FKBP15: variants seen among roughly 807,000 people sequenced by gnomAD.
FKBP15 encodes the protein FK506-binding protein 15.
FKBP15 carries 106 observed loss-of-function variants against 158.1 expected under a neutral mutation model. The ratio of observed to expected loss-of-function variants is 0.67; its 90% CI spans 0.57 to 0.79. FKBP15 has a LOEUF of 0.79. FKBP15 is among the 30% of genes least tolerant of loss of function. The probability of loss-of-function intolerance (pLI) is 0.00; values close to 1 mark genes in which losing one functional copy is unlikely to be tolerated. For synonymous variants in FKBP15, 547 were observed against 548.6 expected (o/e 1.00, Z 0.04); for missense variants, 1,287 against 1,479.1 (o/e 0.87, Z 2.13).
In FKBP15 at chr9:113,221,273, G is replaced by C. The variant is rs1831253739; in HGVS notation, c.-30C>G. 2 of 1,588,090 alleles carry C rather than the reference G, an allele frequency of 1.3e-6. No individual in the cohort carries two copies. Reference sequence around the variant, plus strand: ...TTGGCTTTCACCGGGTTGCGGGGAGGAAGCTGGGTATTCCCAGAGTCCCAG... The same window carrying C: ...TTGGCTTTCACCGGGTTGCGGGGAGCAAGCTGGGTATTCCCAGAGTCCCAG... On this transcript the variant is annotated 5_prime_UTR_variant, in exon 1 of 28. Coordinates refer to ENST00000238256, the MANE Select transcript of FKBP15 (RefSeq NM_015258.2).
intron 23 of FKBP15, among the ~76,000 whole-genome samples, 166 bp downstream of exon 23, chr9:113,173,287 A>G (rs1564152809): frequency 6.6e-6 from 1 of 152,176 alleles, no homozygotes; most frequent in Non-Finnish European, 1.5e-5. Flanking sequence ...CTGACCTATC[A>G]CCCCACATAA....
chr9:113,183,200 A>T (rs1830430706), intron 18 of FKBP15, among the ~76,000 whole-genome samples: 1 of 152,220 alleles, frequency 6.6e-6, no homozygotes, highest in East Asian at 1.9e-4. Flanking sequence ...CAGCTCTGTC[A>T]TGTGGGAGAC....
At chr9:113,219,719 A>G (rs1348180194) in intron 1 of FKBP15, among the ~76,000 whole-genome samples, 1 of 152,230 alleles carries the variant, frequency 6.6e-6, no homozygotes, top group Non-Finnish European at 1.5e-5. Flanking sequence ...CATAATTTTC[A>G]GTCAGCTTGG....
chr9:113,214,527 C>T (rs916584960), intron 1 of FKBP15, among the ~76,000 whole-genome samples: 1 of 152,176 alleles, frequency 6.6e-6, no homozygotes, highest in Non-Finnish European at 1.5e-5. Flanking sequence ...GATGTGCTGT[C>T]ATCCAGGCTT....
At position 113,163,464 on chromosome 9, in the gene FKBP15, C is replaced by CT. The variant is rs1404874891; in HGVS notation, c.*2613dup. ...CTCGTCTATGGATCATGTTGACAAA[C>CT]TAAGTTTTTTTTATTTTTCCCATTG... On this transcript the variant is annotated 3_prime_UTR_variant, in exon 28 of 28. Coordinates refer to ENST00000238256, the MANE Select transcript of FKBP15 (RefSeq NM_015258.2). 1 of 152,612 alleles carries CT rather than the reference C, an allele frequency of 6.6e-6. No homozygotes were observed. The highest frequency in any genetic ancestry group is 1.5e-5 in the Non-Finnish European group (1 of 68,048). 9.5% of individuals were successfully genotyped at this position (152,612 alleles called of 1,614,324 possible). A position where few individuals can be genotyped will look rare whatever the true frequency, so the allele number is the denominator to read the frequency against.
chr9:113,218,072 T>C (rs1034349396), intron 1 of FKBP15, among the ~76,000 whole-genome samples: 2 of 152,124 alleles, frequency 1.3e-5, no homozygotes, highest in Non-Finnish European at 2.9e-5. Context: ...CAGTTTTATA[T>C]TTTCTTTCTC....
At chr9:113,187,744 G>T in intron 14 of FKBP15, 49 bp downstream of exon 14, 2 of 1,418,062 alleles carry the variant, frequency 1.4e-6, no homozygotes, top group South Asian at 1.2e-5. Context: ...AGACTGACTA[G>T]AACCACAGCA....
intron 1 of FKBP15, among the ~76,000 whole-genome samples, chr9:113,213,051 A>G (rs536403467): frequency 2.0e-5 from 3 of 152,322 alleles, no homozygotes; most frequent in Admixed American, 6.5e-5. Flanking sequence ...GTCTCAGCAT[A>G]TAGTGGTACT....
intron 1 of FKBP15, among the ~76,000 whole-genome samples, chr9:113,219,450 C>T (rs1831206603): frequency 6.6e-6 from 1 of 152,210 alleles, no homozygotes; most frequent in African/African-American, 2.4e-5. Context: ...TGTGGTGAAA[C>T]TTTCTGTATT....
chr9:113,184,872 A>G lies in FKBP15; in HGVS notation c.1499-68T>C. The stretch of plus-strand genomic sequence containing the variant: ...AGAGGAAACTGTATGAAGAAAAGCT[A>G]GTAGCTCTTCCAGTAAAGAAAGAAA... On this transcript the variant is annotated intron_variant, in intron 15 of 27. Coordinates refer to ENST00000238256, the MANE Select transcript of FKBP15 (RefSeq NM_015258.2). The surrounding 1 kb of genome is among the most constrained non-coding windows in gnomAD (Gnocchi z 4.5). The G allele has an allele frequency of 1.7e-6, 2 of 1,210,014 alleles. No individual in the cohort carries two copies. Among genetic ancestry groups the G allele is most frequent in the Non-Finnish European group, 2.4e-6 (2 of 849,572 alleles). The allele number at this position is 1,210,014 out of a possible 1,614,324, so 75.0% of individuals were successfully genotyped here.
rs749292906 is a variant in FKBP15 at position 113,186,121 on chromosome 9, C to T, written c.1498+128G>A. ...AATGTGTGGAATACATATTATATCT[C>T]AACAAAGCTGTTAAAAAAGAGAAGA... is the stretch of plus-strand genomic sequence containing the variant. On this transcript the variant is annotated intron_variant, in intron 15 of 27. Transcript: ENST00000238256. 2.3e-4 allele frequency: 154 copies of T among 665,814 alleles called. 1 individual carries two copies. Among genetic ancestry groups the T allele is most frequent in the Admixed American group, 3.6e-4 (13 of 35,924 alleles). The allele number at this position is 665,814 out of a possible 1,614,324, so 41.2% of individuals were successfully genotyped here. A position where few individuals can be genotyped will look rare whatever the true frequency, so the allele number is the denominator to read the frequency against.
chr9:113,185,374 G>A (rs928348356), intron 15 of FKBP15, among the ~76,000 whole-genome samples: 6 of 151,020 alleles, frequency 4.0e-5, no homozygotes, highest in African/African-American at 1.5e-4. Flanking sequence ...AATAGTCAGG[G>A]AAGGCTTCAC....
In FKBP15 at chr9:113,203,769, C is replaced by T. The variant is rs546176273; in HGVS notation, c.325-734G>A. ...CTTGAACTCCTGACCTCAGGTGATC[C>T]GCCCACCTTGGCCTCCCAAAGTGCT... On this transcript the variant is annotated intron_variant, in intron 4 of 27. Transcript: ENST00000238256. 5.3e-5 allele frequency among the ~76,000 whole-genome samples: 8 copies of T among 151,966 alleles called. No individual in the cohort carries two copies. In the East Asian group the frequency reaches 9.7e-4, roughly 18 times the overall value.
At chr9:113,210,690 A>G (rs1277587938) in intron 2 of FKBP15, among the ~76,000 whole-genome samples, 1 of 152,148 alleles carries the variant, frequency 6.6e-6, no homozygotes, top group Non-Finnish European at 1.5e-5. Flanking sequence ...GGAGATTAAC[A>G]TCTGAGTCAG....
chr9:113,188,370 C>T lies in FKBP15; in HGVS notation c.1276+19G>A, dbSNP rs945201417. The stretch of plus-strand genomic sequence containing the variant: ...GCTGACCCAGTTCAAGGCCACAGAG[C>T]CTCAGAGAGGTTCCTTACCCTGTGA... On this transcript the variant is annotated intron_variant, in intron 13 of 27. Transcript: ENST00000238256. The T allele has an allele frequency of 9.5e-6, 15 of 1,584,764 alleles. No homozygotes were observed. The Admixed American group carries it at 2.2e-4, about 23-fold the overall frequency.
chr9:113,190,253 C>T (rs1215453972), intron 12 of FKBP15, among the ~76,000 whole-genome samples: 1 of 152,044 alleles, frequency 6.6e-6, no homozygotes, highest in Non-Finnish European at 1.5e-5. Flanking sequence ...TGAAAACTGC[C>T]CAGTTCTTGT....
chr9:113,176,696 C>A, intron 20 of FKBP15, 23 bp from the exon 21 acceptor site: 1 of 1,605,610 alleles, frequency 6.2e-7, no homozygotes, highest in Non-Finnish European at 8.5e-7. Context: ...AGCAGAGAGA[C>A]TTCGCTACAG....
At chr9:113,207,858 C>A (rs1334355207) in intron 2 of FKBP15, among the ~76,000 whole-genome samples, 1 of 152,176 alleles carries the variant, frequency 6.6e-6, no homozygotes, top group Non-Finnish European at 1.5e-5. Context: ...TCCCAACCCA[C>A]ACACCCCAAA....
rs7874583 is a variant in FKBP15, at chr9:113,198,779, G to A, written c.717+76C>T. The A allele has an allele frequency of 0.19, 185,830 of 989,482 alleles. 19,702 individuals carry two copies. Among genetic ancestry groups the A allele is most frequent in the African/African-American group, 0.36 (21,367 of 59,762 alleles). 61.3% of individuals were successfully genotyped at this position (989,482 alleles called of 1,614,324 possible). ...AAAAATAAAAATAAAATAAAAAAAG[G>A]AATTCCACAAAATTTAATCTAAGTT... is the stretch of plus-strand genomic sequence containing the variant. On this transcript the variant is annotated intron_variant, in intron 8 of 27. Transcript: ENST00000238256. The surrounding 1 kb of genome is among the most constrained non-coding windows in gnomAD (Gnocchi z 5.2).
Sources: gnomAD v4.1 joint callset for allele counts (sites outside exome capture counted in the v4.1 genomes callset) on GRCh38, gnomAD v4.1.1 for gene constraint, Gnocchi (gnomAD v3.1) non-coding constraint, MANE v1.5 for transcripts, NCBI Gene and HGNC (gene_info 2026-07-23, HGNC 2026-07-21) for gene names.